ANK3: variants seen among roughly 807,000 people sequenced by gnomAD.
ANK3 encodes the protein ankyrin 3.
ANK3 carries 57 observed loss-of-function variants against 370.9 expected under a neutral mutation model. The observed-to-expected ratio is 0.15, with a 90% confidence interval of 0.12 to 0.19. The LOEUF (loss-of-function observed/expected upper bound fraction) is 0.19. Ranked by LOEUF, ANK3 falls within the 10% of genes least tolerant of loss-of-function variation. The pLI is 1.00. For missense variants in ANK3, 4,439 were observed against 5,302.1 expected (o/e 0.84, Z 5.06); for synonymous variants, 1,929 against 1,946.3 (o/e 0.99, Z 0.23).
At chr10:60,141,319 G>A (rs1228040747) in intron 23 of ANK3, among the ~76,000 whole-genome samples, 1 of 152,120 alleles carries the variant, frequency 6.6e-6, no homozygotes, top group East Asian at 1.9e-4. Flanking sequence ...GCTCCTTCGA[G>A]AGGTCCCTGG....
intron 1 of ANK3, among the ~76,000 whole-genome samples, chr10:60,353,678 G>T (rs1337789336): frequency 6.6e-6 from 1 of 152,204 alleles, no homozygotes; most frequent in Non-Finnish European, 1.5e-5. Flanking sequence ...TGCATGTGCT[G>T]TTGCTTGTTC....
chr10:60,075,369 T>G lies in ANK3; in HGVS notation c.5512A>C (p.Lys1838Gln). ...VNVLPEPALK[K>Q]LPDSNSFTKS... ...GTAAATGAATTAGAGTCTGGAAGTT[T>G]CTTTAATGCTGGTTCTGGCAAAACA... The change falls in exon 37 of 44, where the codon AAA becomes CAA. Residue 1838 changes from lysine to glutamine, a missense_variant. By Grantham distance (53) the Lys-to-Gln change is moderately conservative (BLOSUM62 1). Coordinates refer to ENST00000280772, the MANE Select transcript of ANK3 (RefSeq NM_020987.5). 6.2e-7 allele frequency: 1 copy of G among 1,614,118 alleles called. No homozygotes were observed. Among genetic ancestry groups the G allele is most frequent in the Non-Finnish European group, 8.5e-7 (1 of 1,180,018 alleles).
At chr10:60,317,450 C>T (rs1168257326) in intron 1 of ANK3, among the ~76,000 whole-genome samples, 1 of 152,082 alleles carries the variant, frequency 6.6e-6, no homozygotes, top group African/African-American at 2.4e-5. Context: ...TTTAAACTCC[C>T]TTGTGTCCCC....
intron 1 of ANK3, among the ~76,000 whole-genome samples, chr10:60,675,863 T>A (rs920197403): frequency 3.9e-5 from 6 of 151,968 alleles, no homozygotes; most frequent in African/African-American, 1.5e-4. Flanking sequence ...CCGTCACACT[T>A]CTCTACACAT....
intron 2 of ANK3, among the ~76,000 whole-genome samples, chr10:60,503,212 C>T (rs772257714): frequency 4.6e-5 from 7 of 152,048 alleles, no homozygotes; most frequent in Non-Finnish European, 7.4e-5. Context: ...AATTAAATAA[C>T]GGTCATTAGC....
intron 1 of ANK3, among the ~76,000 whole-genome samples, chr10:60,370,523 TG>T (rs2059970800): frequency 6.6e-6 from 1 of 152,212 alleles, no homozygotes; most frequent in Admixed American, 6.5e-5. Flanking sequence ...AACATGACAC[TG>T]TTTTGAAGGC....
chr10:60,532,212 ATACT>A (rs1319291319), intron 2 of ANK3, among the ~76,000 whole-genome samples: 3 of 152,194 alleles, frequency 2.0e-5, no homozygotes, highest in African/African-American at 4.8e-5. Context: ...ACCCAGTTGC[ATACT>A]TACTTCTCAC....
chr10:60,579,053 G>A (rs1315773527), intron 2 of ANK3, among the ~76,000 whole-genome samples: 3 of 152,042 alleles, frequency 2.0e-5, no homozygotes, highest in South Asian at 2.1e-4. Context: ...CTGGCCGGGC[G>A]CAGTGGCTCA....
chr10:60,095,293 A>G (rs779287869), intron 28 of ANK3, among the ~76,000 whole-genome samples: 1 of 152,272 alleles, frequency 6.6e-6, no homozygotes, highest in Non-Finnish European at 1.5e-5. Context: ...AGACTCAGAC[A>G]CTTTTCACAT....
chr10:60,566,343 C>T (rs1333440069), intron 2 of ANK3, among the ~76,000 whole-genome samples: 1 of 152,148 alleles, frequency 6.6e-6, no homozygotes, highest in African/African-American at 2.4e-5. Context: ...GGAAGGGCCA[C>T]ACATCTTCCA....
intron 36 of ANK3, among the ~76,000 whole-genome samples, chr10:60,079,493 C>T (rs2084673866): frequency 6.6e-6 from 1 of 152,146 alleles, no homozygotes; most frequent in South Asian, 2.1e-4. Context: ...ATATGCTATG[C>T]TGTTGGCCCA....
intron 25 of ANK3, among the ~76,000 whole-genome samples, chr10:60,129,555 A>C (rs1294444376): frequency 6.6e-6 from 1 of 152,162 alleles, no homozygotes; most frequent in Non-Finnish European, 1.5e-5. Context: ...AGTTCGAGAC[A>C]AGCCTGGGCA....
chr10:60,525,742 G>A (rs2076453115), intron 2 of ANK3, among the ~76,000 whole-genome samples: 1 of 152,092 alleles, frequency 6.6e-6, no homozygotes, highest in African/African-American at 2.4e-5. Flanking sequence ...TAACTTCCTT[G>A]CAACATGGAG....
In ANK3 at chr10:60,056,043, C is replaced by T; in HGVS notation, c.12687-7G>A. The stretch of plus-strand genomic sequence containing the variant: ...ATCTCTACACTGGTCAGGGCTGCAA[C>T]AGAAAATTTGCAAATTCACAATGGC... On this transcript the variant is annotated splice_polypyrimidine_tract_variant and splice_region_variant and intron_variant, in intron 41 of 43. Transcript: ENST00000280772. 6.3e-7 allele frequency: 1 copy of T among 1,585,154 alleles called. No homozygotes were observed.
chr10:60,168,250 T>A (rs1016124337), intron 21 of ANK3, among the ~76,000 whole-genome samples: 1 of 152,190 alleles, frequency 6.6e-6, no homozygotes, highest in Non-Finnish European at 1.5e-5. Context: ...GGCCTCGAAC[T>A]CCCAACCTCA....
intron 23 of ANK3, among the ~76,000 whole-genome samples, chr10:60,165,968 T>C (rs1272249428): frequency 6.6e-6 from 1 of 152,234 alleles, no homozygotes; most frequent in Non-Finnish European, 1.5e-5. Context: ...TTCATTGATA[T>C]ATCTGTATAT....
intron 2 of ANK3, among the ~76,000 whole-genome samples, chr10:60,498,858 A>G (rs6479714): frequency 0.079 from 12,035 of 152,300 alleles, 613 homozygotes; most frequent in South Asian, 0.17. Flanking sequence ...GCATATTTGT[A>G]AAACAATCAA....
At chr10:60,598,925 T>C (rs1305201945) in intron 2 of ANK3, among the ~76,000 whole-genome samples, 2 of 152,072 alleles carry the variant, frequency 1.3e-5, no homozygotes, top group Non-Finnish European at 2.9e-5. Flanking sequence ...TAGTTATTTG[T>C]GTTGTTGTTG....
At chr10:60,189,778 T>G (rs1198431487) in intron 16 of ANK3, among the ~76,000 whole-genome samples, 2 of 152,182 alleles carry the variant, frequency 1.3e-5, no homozygotes, top group Non-Finnish European at 2.9e-5. Flanking sequence ...GAGGACCAAG[T>G]GCTTGCCACA....
Sources: gnomAD v4.1 joint callset for allele counts (sites outside exome capture counted in the v4.1 genomes callset) on GRCh38, gnomAD v4.1.1 for gene constraint, MANE v1.5 for transcripts, NCBI Gene and HGNC (gene_info 2026-07-23, HGNC 2026-07-21) for gene names.